Variants in CFAP20DC observed in about 807,000 individuals in gnomAD.
CFAP20DC encodes protein CFAP20DC.
CFAP20DC carries 84 observed loss-of-function variants against 101.7 expected under a neutral mutation model. The observed-to-expected ratio is 0.83, with a 90% CI of 0.69 to 0.99. The LOEUF is 0.99. Among genes scored for constraint, CFAP20DC ranks in the 50% least tolerant of loss-of-function variants. The pLI is 0.00. For synonymous variants in CFAP20DC, 359 were observed against 351.2 expected (o/e 1.02, Z -0.25); for missense variants, 1,007 against 970.3 (o/e 1.04, Z -0.50).
chr3:58,908,965 T>TA (rs1042829557), intron 6 of CFAP20DC, among the ~76,000 whole-genome samples: 2 of 151,976 alleles, frequency 1.3e-5, no homozygotes, highest in East Asian at 1.9e-4. Context: ...GAAGACAATT[T>TA]AAAAAAATGA....
intron 15 of CFAP20DC, among the ~76,000 whole-genome samples, chr3:58,798,167 C>T (rs1575667587): frequency 7.0e-6 from 1 of 143,164 alleles, no homozygotes; most frequent in Admixed American, 6.8e-5. Context: ...GCTATGGCTG[C>T]CATAGATAGT....
chr3:58,770,859 T>C (rs2070778106), intron 15 of CFAP20DC, among the ~76,000 whole-genome samples: 1 of 152,174 alleles, frequency 6.6e-6, no homozygotes, highest in Admixed American at 6.5e-5. Context: ...AGGTGCTTGT[T>C]TTTGTGTAAT....
chr3:59,028,071 A>C (rs1172219386), intron 4 of CFAP20DC, among the ~76,000 whole-genome samples: 1 of 152,216 alleles, frequency 6.6e-6, no homozygotes, highest in Non-Finnish European at 1.5e-5. Context: ...TTCACTGCTC[A>C]TCATTCTATG....
intron 7 of CFAP20DC, among the ~76,000 whole-genome samples, chr3:58,884,298 C>G (rs1429357444): frequency 6.6e-6 from 1 of 152,200 alleles, no homozygotes; most frequent in Middle Eastern, 3.2e-3. Context: ...TCTCTCACTG[C>G]TGAAGTTGAA....
chr3:58,907,540 C>T, intron 6 of CFAP20DC, among the ~76,000 whole-genome samples: 1 of 152,132 alleles, frequency 6.6e-6, no homozygotes, highest in Admixed American at 6.6e-5. Flanking sequence ...TGGATCTCTA[C>T]AATAACCTTA....
At chr3:58,805,018 C>T (rs143589868) in intron 15 of CFAP20DC, among the ~76,000 whole-genome samples, 132 of 152,158 alleles carry the variant, frequency 8.7e-4, no homozygotes, top group African/African-American at 2.9e-3. Flanking sequence ...ATTCTGGGTC[C>T]CAATAAAAGT....
At position 58,894,516 on chromosome 3, in the gene CFAP20DC, A is replaced by G. The variant is rs1302005425; in HGVS notation, c.551-9807T>C. 1.3e-5 allele frequency among the ~76,000 whole-genome samples: 2 copies of G among 152,252 alleles called. No individual in the cohort carries two copies. Among genetic ancestry groups the G allele is most frequent in the African/African-American group, 4.8e-5 (2 of 41,472 alleles). On this transcript the variant is annotated intron_variant, in intron 6 of 16. Transcript: ENST00000482387. The surrounding 1 kb of genome is among the most constrained non-coding windows in gnomAD (Gnocchi z 4.1). ...TCTCACATTCAGGACACGCTGATGC[A>G]GAAGGTGGGTTCCTACGGCCTTTGG...
Position 58,806,341 on chromosome 3 carries a change from A to G in CFAP20DC, c.2237+54T>C, listed in dbSNP as rs572463523. On this transcript the variant is annotated intron_variant, in intron 15 of 16. Transcript: ENST00000482387. Reference sequence around the variant, plus strand: ...TTCAGAAAACCAAGAAAAATGTACAATCTTCCAACTAAGTTTTTTTTTTTC... The same window carrying G: ...TTCAGAAAACCAAGAAAAATGTACAGTCTTCCAACTAAGTTTTTTTTTTTC... 4.9e-5 allele frequency: 59 copies of G among 1,199,556 alleles called. No homozygotes were observed. The African/African-American group carries it at 8.1e-4, about 16-fold the overall frequency. 74.3% of individuals were successfully genotyped at this position (1,199,556 alleles called of 1,614,324 possible).
rs968273031 is a variant in CFAP20DC at position 58,899,322 on chromosome 3, C to T, written c.550+14386G>A. Reference sequence around the variant, plus strand: ...TTGCCTAAACCACAGAGATGTTGGCCACCCCTCCCACTGGGGACTCGGTCC... The same window carrying T: ...TTGCCTAAACCACAGAGATGTTGGCTACCCCTCCCACTGGGGACTCGGTCC... On this transcript the variant is annotated intron_variant, in intron 6 of 16. Coordinates refer to ENST00000482387, the MANE Select transcript of CFAP20DC (RefSeq NM_001394063.1). This position sits in a 1 kb window ranked among gnomAD's most constrained non-coding sequence, Gnocchi z 5.0. 2.3e-4 allele frequency among the ~76,000 whole-genome samples: 35 copies of T among 152,230 alleles called. 1 individual carries two copies. The highest frequency in any genetic ancestry group is 4.7e-4 in the Non-Finnish European group (32 of 68,046).
At chr3:58,920,431 G>A (rs2085238307) in intron 5 of CFAP20DC, among the ~76,000 whole-genome samples, 1 of 152,084 alleles carries the variant, frequency 6.6e-6, no homozygotes, top group Admixed American at 6.6e-5. Flanking sequence ...ATCTTAGGGA[G>A]TAAGCAGTCA....
rs1262161455 is a variant in CFAP20DC at position 59,006,934 on chromosome 3, CT to C, written c.278+32622del. Among the ~76,000 whole-genome samples the C allele has an allele frequency of 8.5e-5, 13 of 152,148 alleles. No individual in the cohort carries two copies. Among genetic ancestry groups the C allele is most frequent in the Admixed American group, 8.5e-4 (13 of 15,280 alleles). ...CTTGCTTGCTTTCTCAGCGTGGAAGCTTATGGCCTGGGGCAGGTCTGAGTTT... is the reference window on the plus strand; with the variant it reads ...CTTGCTTGCTTTCTCAGCGTGGAAGCTATGGCCTGGGGCAGGTCTGAGTTT... On this transcript the variant is annotated intron_variant, in intron 4 of 16. Transcript: ENST00000482387. The surrounding 1 kb of genome is among the most constrained non-coding windows in gnomAD (Gnocchi z 4.3).
chr3:58,821,189 C>T (rs890565812), intron 14 of CFAP20DC, among the ~76,000 whole-genome samples: 151 of 152,170 alleles, frequency 9.9e-4, no homozygotes, highest in African/African-American at 3.4e-3. Flanking sequence ...ACCATAAAAA[C>T]CCTAGAAGAA....
chr3:58,893,082 C>T lies in CFAP20DC; in HGVS notation c.551-8373G>A, dbSNP rs1374878699. 5.4e-5 allele frequency among the ~76,000 whole-genome samples: 8 copies of T among 147,440 alleles called. No homozygotes were observed. The East Asian group carries it at 7.9e-4, about 15-fold the overall frequency. ...TTTTTGAGATGGAGTCTCGCTCAGT[C>T]GCCCAGGCTGGAGTGCAGTGGTGCA... On this transcript the variant is annotated intron_variant, in intron 6 of 16. Transcript: ENST00000482387.
chr3:58,773,701 A>G (rs2071065234), intron 15 of CFAP20DC, among the ~76,000 whole-genome samples: 1 of 152,226 alleles, frequency 6.6e-6, no homozygotes, highest in Admixed American at 6.5e-5. Context: ...TATAGATATG[A>G]CTAAAACAAG....
At chr3:58,746,221 A>G (rs1170688179) in intron 16 of CFAP20DC, among the ~76,000 whole-genome samples, 3 of 152,190 alleles carry the variant, frequency 2.0e-5, no homozygotes, top group African/African-American at 4.8e-5. Flanking sequence ...TGTTTCCAAA[A>G]GTAAAACTAA....
chr3:59,048,175 A>G (rs1700016775), intron 1 of CFAP20DC, among the ~76,000 whole-genome samples: 1 of 152,242 alleles, frequency 6.6e-6, no homozygotes, highest in Non-Finnish European at 1.5e-5. Flanking sequence ...GGAAGAATTT[A>G]TTGCAAAAAA....
chr3:59,049,835 A>T lies in CFAP20DC; in HGVS notation c.-204T>A. 1.6e-6 allele frequency: 1 copy of T among 627,946 alleles called. No individual in the cohort carries two copies. Among genetic ancestry groups the T allele is most frequent in the South Asian group, 2.0e-5 (1 of 50,768 alleles). The allele number at this position is 627,946 out of a possible 1,614,324, so 38.9% of individuals were successfully genotyped here. Reference sequence around the variant, plus strand: ...CCATCTCCCGCCCTCCATCAGCACCATTGCGGCTCCAGCCTCCGCGGTGCC... The same window carrying T: ...CCATCTCCCGCCCTCCATCAGCACCTTTGCGGCTCCAGCCTCCGCGGTGCC... On this transcript the variant is annotated 5_prime_UTR_variant, in exon 1 of 17. The change abolishes an upstream ATG in the 5' untranslated region. Transcript: ENST00000482387.
chr3:58,927,248 C>A (rs578164070), intron 5 of CFAP20DC, among the ~76,000 whole-genome samples: 4 of 152,082 alleles, frequency 2.6e-5, no homozygotes, highest in African/African-American at 9.7e-5. Context: ...TATAAATATT[C>A]ATTTTGGTGT....
At position 58,937,771 on chromosome 3, in the gene CFAP20DC, A is replaced by T; in HGVS notation, c.279-9T>A. Reference sequence around the variant, plus strand: ...TCCCTAAATCAGTAATTCTGAAAACATGGAGGAGAGAAGACAGAAAGATTC... The same window carrying T: ...TCCCTAAATCAGTAATTCTGAAAACTTGGAGGAGAGAAGACAGAAAGATTC... On this transcript the variant is annotated splice_polypyrimidine_tract_variant and intron_variant, in intron 4 of 16. Coordinates refer to ENST00000482387, the MANE Select transcript of CFAP20DC (RefSeq NM_001394063.1). 7.0e-7 allele frequency: 1 copy of T among 1,424,506 alleles called. No homozygotes were observed. Among genetic ancestry groups the T allele is most frequent in the Non-Finnish European group, 9.9e-7 (1 of 1,009,270 alleles). The allele number at this position is 1,424,506 out of a possible 1,614,324, so 88.2% of individuals were successfully genotyped here. A position where few individuals can be genotyped will look rare whatever the true frequency, so the allele number is the denominator to read the frequency against.
Sources: allele counts gnomAD v4.1 joint callset (sites outside exome capture counted in the v4.1 genomes callset), GRCh38; gene constraint gnomAD v4.1.1; non-coding constraint Gnocchi (gnomAD v3.1); transcripts MANE v1.5; gene names NCBI Gene and HGNC (gene_info 2026-07-23, HGNC 2026-07-21).